Variants in DYNC2LI1 observed in about 807,000 individuals in gnomAD.
DYNC2LI1 encodes the protein dynein cytoplasmic 2 light intermediate chain 1.
Under a neutral mutation model 51.9 loss-of-function variants are expected in DYNC2LI1, and 45 were observed. The observed-to-expected ratio is 0.87, with a 90% CI of 0.68 to 1.11. DYNC2LI1 has a LOEUF of 1.11. Ranked by LOEUF, DYNC2LI1 falls within the 50% of genes most tolerant of loss-of-function variation. The pLI is 0.00. For synonymous variants in DYNC2LI1, 130 were observed against 137.8 expected, an observed-to-expected ratio of 0.94 and a Z score of 0.40; for missense variants, 490 against 417.4, an observed-to-expected ratio of 1.17 and a Z score of -1.51.
intron 8 of DYNC2LI1, among the ~76,000 whole-genome samples, chr2:43,800,152 A>G (rs1450807608): frequency 1.3e-5 from 2 of 152,176 alleles, no homozygotes; most frequent in Non-Finnish European, 2.9e-5. Context: ...TCTAGCTTTT[A>G]AAGATCTGTA....
chr2:43,819,006 G>C, the DYNC2LI1 span, among the ~76,000 whole-genome samples: 4 of 152,282 alleles, frequency 2.6e-5, no homozygotes, highest in South Asian at 8.3e-4. Flanking sequence ...GGTGTGACTT[G>C]AGCAAAGTCA....
chr2:43,806,964 G>T (rs1355479696), intron 12 of DYNC2LI1, among the ~76,000 whole-genome samples: 1 of 151,958 alleles, frequency 6.6e-6, no homozygotes, highest in African/African-American at 2.4e-5. Flanking sequence ...TTATTTGTGT[G>T]GTTTTAGACG....
At chr2:43,807,459 A>G (rs886362993) in intron 12 of DYNC2LI1, among the ~76,000 whole-genome samples, 9 of 151,784 alleles carry the variant, frequency 5.9e-5, no homozygotes, top group African/African-American at 2.2e-4. Flanking sequence ...TTTTTCTTTG[A>G]TACTGTGTCT....
At chr2:43,796,333 C>CAA (rs367924644) in intron 7 of DYNC2LI1, among the ~76,000 whole-genome samples, 4,100 of 106,422 alleles carry the variant, frequency 0.039, 207 homozygotes, top group African/African-American at 0.11. Context: ...ACACTTGTCT[C>CAA]AAAAAAAAAA....
At chr2:43,823,068 A>T in the DYNC2LI1 span, 2 of 1,212,894 alleles carry the variant, frequency 1.6e-6, no homozygotes, top group African/African-American at 3.0e-5. Flanking sequence ...CTAGTCATAG[A>T]AGGAGGGGAC....
At chr2:43,795,082 G>A (rs1209313473) in intron 6 of DYNC2LI1, 3 of 1,011,080 alleles carry the variant, frequency 3.0e-6, no homozygotes, top group South Asian at 4.5e-5. Flanking sequence ...CACTTATTCA[G>A]TATCTTTTTA....
At chr2:43,819,062 TTAAA>T in the DYNC2LI1 span, among the ~76,000 whole-genome samples, 2 of 152,168 alleles carry the variant, frequency 1.3e-5, no homozygotes, top group South Asian at 2.1e-4. Context: ...GCTCTGAGAG[TTAAA>T]TAATTAAACA....
chr2:43,787,143 C>A (rs757553901), intron 3 of DYNC2LI1, 38 bp from the exon 4 acceptor site: 4 of 1,534,632 alleles, frequency 2.6e-6, no homozygotes, highest in South Asian at 2.3e-5. Context: ...AAACTAATAC[C>A]ACCTACAATG....
intron 10 of DYNC2LI1, among the ~76,000 whole-genome samples, chr2:43,803,424 A>G (rs1354925594): frequency 6.6e-6 from 1 of 152,236 alleles, no homozygotes; most frequent in East Asian, 1.9e-4. Context: ...ATTAGAAAAG[A>G]TTACATACAG....
intron 12 of DYNC2LI1, 121 bp from the exon 13 acceptor site, chr2:43,809,584 T>C: frequency 2.9e-6 from 2 of 695,848 alleles, no homozygotes; most frequent in Non-Finnish European, 5.0e-6. Flanking sequence ...AAGAAATATT[T>C]AGAATGATAA....
chr2:43,787,110 A>G (rs1421656467), intron 3 of DYNC2LI1, 71 bp from the exon 4 acceptor site: 2 of 1,234,962 alleles, frequency 1.6e-6, no homozygotes, highest in Non-Finnish European at 2.3e-6. Context: ...GGAAAAATGA[A>G]TCAGGTAAGG....
chr2:43,795,789 T>C (rs1674007729), intron 6 of DYNC2LI1, 101 bp from the exon 7 acceptor site: 6 of 871,066 alleles, frequency 6.9e-6, no homozygotes, highest in Non-Finnish European at 1.1e-5. Flanking sequence ...TAAACATCTA[T>C]GAAGAGACTG....
chr2:43,779,988 G>A (rs4953014), intron 2 of DYNC2LI1, among the ~76,000 whole-genome samples: 75,293 of 152,020 alleles, frequency 0.5, 22,117 homozygotes, highest in African/African-American at 0.83. Context: ...GGCATGAATG[G>A]TATTTAACAG....
chr2:43,828,191 T>C, the DYNC2LI1 span: 1 of 1,604,980 alleles, frequency 6.2e-7, no homozygotes, highest in Non-Finnish European at 8.5e-7. Flanking sequence ...GGGGAGGACA[T>C]GAAAGAGGCA....
the DYNC2LI1 span, among the ~76,000 whole-genome samples, chr2:43,818,421 G>A: frequency 6.6e-6 from 1 of 152,182 alleles, no homozygotes; most frequent in African/African-American, 2.4e-5. Flanking sequence ...TTCAGCCTGG[G>A]CGGCAGAGTG....
In DYNC2LI1 at chr2:43,792,627, T is replaced by C. The variant is rs988469177; in HGVS notation, c.321-1830T>C. ...CCAGAACTTTTTGATCTTCTCAAAC[T>C]GAAACTCTTTACCTATTAAACAATA... On this transcript the variant is annotated intron_variant, in intron 5 of 12. Transcript: ENST00000260605. 1.0e-5 allele frequency: 15 copies of C among 1,500,026 alleles called. No homozygotes were observed. The East Asian group carries it at 1.3e-4, about 13-fold the overall frequency. The allele number at this position is 1,500,026 out of a possible 1,614,324, so 92.9% of individuals were successfully genotyped here. A position where few individuals can be genotyped will look rare whatever the true frequency, so the allele number is the denominator to read the frequency against.
chr2:43,796,101 GACAT>G (rs1406400467), intron 7 of DYNC2LI1, 143 bp downstream of exon 7: 1 of 646,694 alleles, frequency 1.5e-6, no homozygotes, highest in Admixed American at 3.1e-5. Context: ...TTTTGGAAAA[GACAT>G]AGTTGGGACA....
Position 43,789,674 on chromosome 2 carries a change from C to T in DYNC2LI1, c.273C>T (p.Thr91=), listed in dbSNP as rs1673688635. 6.2e-7 allele frequency: 1 copy of T among 1,613,728 alleles called. No individual in the cohort carries two copies. Residue 91 remains threonine, a synonymous_variant, in exon 5 of 13, where the codon ACC becomes ACT. Transcript: ENST00000260605. The part of the protein sequence containing the change: ...IAHFWELGGG[T]SLLDLISIPI... ...ACTTTTGGGAACTCGGTGGAGGAAC[C>T]TCTTTATTGGACTTAATCAGCATAC... is the stretch of plus-strand genomic sequence containing the variant.
rs902144123 is a variant in DYNC2LI1, at chr2:43,801,052, A to G, written c.731+135A>G. ...CCCAGATGGCTTTTCTTAAAGGGATAATTTCTTTTTAAATTATTATTATTT... is the reference window on the plus strand; with the variant it reads ...CCCAGATGGCTTTTCTTAAAGGGATGATTTCTTTTTAAATTATTATTATTT... On this transcript the variant is annotated intron_variant, in intron 9 of 12. Coordinates refer to ENST00000260605, the MANE Select transcript of DYNC2LI1 (RefSeq NM_016008.4). 6 of 305,504 alleles carry G rather than the reference A, an allele frequency of 2.0e-5. No homozygotes were observed. The Admixed American group carries it at 3.0e-4, about 15-fold the overall frequency. The allele number at this position is 305,504 out of a possible 1,614,324, so 18.9% of individuals were successfully genotyped here.
Sources: gnomAD v4.1 joint callset for allele counts (sites outside exome capture counted in the v4.1 genomes callset) on GRCh38, gnomAD v4.1.1 for gene constraint, MANE v1.5 for transcripts, NCBI Gene and HGNC (gene_info 2026-07-23, HGNC 2026-07-21) for gene names.